ALMS1: variants seen among roughly 807,000 people sequenced by gnomAD.
The protein encoded by ALMS1 is centrosome-associated protein ALMS1.
Under a neutral mutation model 352.2 loss-of-function variants are expected in ALMS1, and 271 were observed. The observed-to-expected ratio is 0.77, with a 90% CI of 0.70 to 0.85. ALMS1 has a LOEUF of 0.85. Ranked by LOEUF, ALMS1 falls within the 40% of genes least tolerant of loss-of-function variation. The probability of loss-of-function intolerance (pLI) is 0.00; values close to 1 mark genes in which losing one functional copy is unlikely to be tolerated. For missense variants in ALMS1, 5,445 were observed against 4,870.7 expected, an observed-to-expected ratio of 1.12 and a Z score of -3.51; for synonymous variants, 1,865 against 1,761.2, an observed-to-expected ratio of 1.06 and a Z score of -1.48.
intron 11 of ALMS1, among the ~76,000 whole-genome samples, chr2:73,526,097 A>C (rs916877969): frequency 1.2e-4 from 18 of 151,716 alleles, no homozygotes; most frequent in African/African-American, 4.4e-4. Context: ...AGGTGTGTGG[A>C]TTTGTTTCTG....
chr2:73,419,221 A>G lies in ALMS1; in HGVS notation c.549A>G (p.Glu183=). ...TRFNVRTEDT[E]VTDFPSLEEG... ...TTAATGTGAGAACGGAAGATACTGA[A>G]GTGACAGACTTCCCCTCTCTGGAGG... The change falls in exon 3 of 23, where the codon GAA becomes GAG. Residue 183 remains glutamate, a synonymous_variant. Coordinates refer to ENST00000613296, the MANE Select transcript of ALMS1 (RefSeq NM_001378454.1). The G allele has an allele frequency of 1.2e-6, 2 of 1,613,982 alleles. No homozygotes were observed. Among genetic ancestry groups the G allele is most frequent in the Non-Finnish European group, 1.7e-6 (2 of 1,179,886 alleles).
intron 16 of ALMS1, among the ~76,000 whole-genome samples, chr2:73,594,814 A>G (rs920847772): frequency 3.3e-5 from 5 of 152,152 alleles, no homozygotes; most frequent in African/African-American, 1.2e-4. Flanking sequence ...TCTTCACTCC[A>G]TGAACCGTTC....
intron 1 of ALMS1, among the ~76,000 whole-genome samples, chr2:73,406,301 C>T (rs538322022): frequency 5.3e-5 from 8 of 152,006 alleles, no homozygotes; most frequent in Non-Finnish European, 8.8e-5. Context: ...TTAGTGTTGC[C>T]GCTATTGCTC....
chr2:73,402,270 CTT>C (rs61360284), intron 1 of ALMS1, among the ~76,000 whole-genome samples: 1,828 of 122,728 alleles, frequency 0.015, 40 homozygotes, highest in African/African-American at 0.052. Flanking sequence ...TTCTCTCTCT[CTT>C]TTTTTTTTTT....
intron 16 of ALMS1, among the ~76,000 whole-genome samples, chr2:73,591,853 C>T (rs1021241960): frequency 8.5e-5 from 13 of 152,182 alleles, no homozygotes; most frequent in South Asian, 4.1e-4. Flanking sequence ...CATGCTGTCT[C>T]GCTCTATCAC....
chr2:73,435,572 C>T (rs766905696), intron 7 of ALMS1, among the ~76,000 whole-genome samples: 2 of 151,192 alleles, frequency 1.3e-5, no homozygotes, highest in African/African-American at 2.4e-5. Flanking sequence ...GTTATACATA[C>T]TACTCACACA....
At chr2:73,557,829 A>G (rs1020208346) in intron 14 of ALMS1, among the ~76,000 whole-genome samples, 2 of 152,240 alleles carry the variant, frequency 1.3e-5, no homozygotes, top group Non-Finnish European at 2.9e-5. Context: ...TGACTCAGAG[A>G]GGAAAACAAA....
chr2:73,487,245 G>A (rs1672870115), intron 9 of ALMS1, among the ~76,000 whole-genome samples: 1 of 152,194 alleles, frequency 6.6e-6, no homozygotes, highest in Non-Finnish European at 1.5e-5. Context: ...CCAAGCATGA[G>A]CCAGGTGTGG....
chr2:73,466,372 G>A, intron 9 of ALMS1, among the ~76,000 whole-genome samples: 1 of 151,528 alleles, frequency 6.6e-6, no homozygotes, highest in Non-Finnish European at 1.5e-5. Flanking sequence ...TTCTCAGCAA[G>A]CTATCTCAAG....
chr2:73,594,414 C>A (rs77031514), intron 16 of ALMS1, among the ~76,000 whole-genome samples: 2 of 152,326 alleles, frequency 1.3e-5, no homozygotes, highest in Non-Finnish European at 2.9e-5. Flanking sequence ...CTCATATAAT[C>A]CAGTGTAATT....
chr2:73,533,982 G>T (rs1673976294), intron 11 of ALMS1, among the ~76,000 whole-genome samples: 1 of 152,066 alleles, frequency 6.6e-6, no homozygotes, highest in African/African-American at 2.4e-5. Flanking sequence ...TTTATTCACA[G>T]AATTCTTTAT....
At chr2:73,460,064 T>C (rs1156987865) in intron 9 of ALMS1, among the ~76,000 whole-genome samples, 1 of 152,154 alleles carries the variant, frequency 6.6e-6, no homozygotes, top group Non-Finnish European at 1.5e-5. Flanking sequence ...CTTTCTTTAT[T>C]TGTAACTCAC....
intron 16 of ALMS1, among the ~76,000 whole-genome samples, chr2:73,593,916 T>G (rs1180600647): frequency 1.3e-5 from 2 of 152,258 alleles, no homozygotes; most frequent in Non-Finnish European, 2.9e-5. Context: ...ATGTGCTCAT[T>G]CCTTTTAATG....
At chr2:73,552,128 T>C (rs1434645757) in intron 13 of ALMS1, among the ~76,000 whole-genome samples, 1 of 152,214 alleles carries the variant, frequency 6.6e-6, no homozygotes, top group Non-Finnish European at 1.5e-5. Context: ...TATGTATACA[T>C]GTGCCATGCT....
At chr2:73,555,969 A>G (rs1215733930) in intron 13 of ALMS1, among the ~76,000 whole-genome samples, 1 of 152,186 alleles carries the variant, frequency 6.6e-6, no homozygotes, top group Non-Finnish European at 1.5e-5. Flanking sequence ...GTTGGTTAAT[A>G]TATGCAATGT....
chr2:73,486,300 C>G (rs535974933), intron 9 of ALMS1, among the ~76,000 whole-genome samples: 3 of 152,162 alleles, frequency 2.0e-5, no homozygotes, highest in East Asian at 3.9e-4. Flanking sequence ...TCTAGGTAGG[C>G]TTCGCTAGAC....
At chr2:73,438,257 G>C (rs1327800890) in intron 7 of ALMS1, among the ~76,000 whole-genome samples, 46 of 152,126 alleles carry the variant, frequency 3.0e-4, no homozygotes, top group Non-Finnish European at 7.4e-5. Context: ...TAGTTGCCCT[G>C]ATTTCTTATT....
chr2:73,534,645 T>C (rs908202560), intron 11 of ALMS1, among the ~76,000 whole-genome samples, 179 bp from the exon 12 acceptor site: 8 of 152,228 alleles, frequency 5.3e-5, no homozygotes, highest in African/African-American at 1.9e-4. Flanking sequence ...AATTATTTAC[T>C]GTATATTTTC....
rs1337404560 is a variant in ALMS1, at chr2:73,448,718, G to A, written c.2191G>A (p.Ala731Thr). 7 of 1,605,030 alleles carry A rather than the reference G, an allele frequency of 4.4e-6. No homozygotes were observed. The highest frequency in any genetic ancestry group is 1.3e-5 in the African/African-American group (1 of 74,758). ...TGGTATTTTTTACCAACAAGAGTTC[G>A]CAGACAGTCATCAAACTGAAGAGAC... is the stretch of plus-strand genomic sequence containing the variant. ...KPGIFYQQEF[A>T]DSHQTEETLT... Residue 731 changes from alanine (A) to threonine (T), a missense_variant, in exon 8 of 23, where the codon GCA (alanine) becomes ACA (threonine). Physicochemically the swap from Ala to Thr is moderately conservative, Grantham distance 58 (BLOSUM62 0). Transcript: ENST00000613296.
Sources: gnomAD v4.1 joint callset for allele counts (sites outside exome capture counted in the v4.1 genomes callset) on GRCh38, gnomAD v4.1.1 for gene constraint, MANE v1.5 for transcripts, NCBI Gene and HGNC (gene_info 2026-07-23, HGNC 2026-07-21) for gene names.